KDM2B: variants seen among roughly 807,000 people sequenced by gnomAD.
The protein encoded by KDM2B is lysine demethylase 2B.
KDM2B carries 26 observed loss-of-function variants against 150.0 expected under a neutral mutation model. That is an observed-to-expected ratio of 0.17 (90% confidence interval 0.13 to 0.24). The LOEUF is 0.24. KDM2B is among the 10% of genes least tolerant of loss of function. KDM2B has a pLI of 1.00. For synonymous variants in KDM2B, 734 were observed against 729.5 expected (o/e 1.01, Z -0.10); for missense variants, 1,265 against 1,816.9 (o/e 0.70, Z 5.52).
Position 121,459,857 on chromosome 12 carries a change from T to C in KDM2B, c.1735-6513A>G, listed in dbSNP as rs560056203. Among the ~76,000 whole-genome samples the C allele has an allele frequency of 8.6e-5, 13 of 151,536 alleles. 1 individual carries two copies. In the South Asian group the frequency reaches 2.7e-3, roughly 32 times the overall value. On this transcript the variant is annotated intron_variant, in intron 12 of 22. Transcript: ENST00000377071. ...GAAAAAAAAAAAAAAACTTTGGTGC[T>C]TTAAAGGGCACTATCATGTGCAAAG...
chr12:121,459,597 A>G (rs1460733619), intron 12 of KDM2B, among the ~76,000 whole-genome samples: 1 of 152,184 alleles, frequency 6.6e-6, no homozygotes, highest in East Asian at 1.9e-4. Context: ...TTGGGAGGCC[A>G]AGGCGGGAGG....
intron 21 of KDM2B, chr12:121,440,536 G>C: frequency 2.3e-6 from 1 of 440,834 alleles, no homozygotes; most frequent in Non-Finnish European, 4.1e-6. Context: ...CCCCATGAGC[G>C]AGTCAATAAG....
the KDM2B span, among the ~76,000 whole-genome samples, chr12:121,423,131 T>C: frequency 6.6e-6 from 1 of 152,246 alleles, no homozygotes; most frequent in Non-Finnish European, 1.5e-5. This position sits in a 1 kb window ranked among gnomAD's most constrained non-coding sequence, Gnocchi z 4.3. Context: ...AAAATAGAAA[T>C]ACATAGCTAA....
chr12:121,500,055 C>G (rs548468311), intron 11 of KDM2B, among the ~76,000 whole-genome samples: 6 of 152,154 alleles, frequency 3.9e-5, no homozygotes, highest in East Asian at 1.9e-4. Flanking sequence ...CTGTGTGTGG[C>G]CCCCCTGCGG....
chr12:121,510,822 A>T (rs150374852), intron 10 of KDM2B, among the ~76,000 whole-genome samples: 3 of 136,484 alleles, frequency 2.2e-5, no homozygotes, highest in Non-Finnish European at 4.7e-5. Context: ...AATAATAATA[A>T]TACTAAAATA....
rs1469070928 is a variant in KDM2B at position 121,514,009 on chromosome 12, C to T, written c.1048-607G>A. Among the ~76,000 whole-genome samples the T allele has an allele frequency of 3.4e-4, 52 of 152,184 alleles. 1 individual carries two copies. The highest frequency in any genetic ancestry group is 3.4e-3 in the Admixed American group (52 of 15,276). ...GGTCCATCTCCTGCTCCTCCCCACA[C>T]CCGTCTGGCACTGCCCAGCCTGCAA... On this transcript the variant is annotated intron_variant, in intron 9 of 22. Transcript: ENST00000377071.
chr12:121,459,622 G>T (rs1878811591), intron 12 of KDM2B, among the ~76,000 whole-genome samples: 2 of 152,294 alleles, frequency 1.3e-5, no homozygotes, highest in South Asian at 4.1e-4. Flanking sequence ...CCTGAGGTTG[G>T]GAGTTGGAGA....
At chr12:121,527,206 C>T (rs1279878324) in intron 8 of KDM2B, among the ~76,000 whole-genome samples, 18 of 149,050 alleles carry the variant, frequency 1.2e-4, no homozygotes, top group African/African-American at 2.5e-4. Flanking sequence ...CCCGCCGCCA[C>T]GCCCAGATAA....
At chr12:121,425,318 A>AT (rs1872462307), downstream of KDM2B, among the ~76,000 whole-genome samples, 1 of 152,086 alleles carries the variant, frequency 6.6e-6, no homozygotes, top group Non-Finnish European at 1.5e-5. Flanking sequence ...AAAAAAAAAA[A>AT]AAAAAAAGAG....
Position 121,430,393 on chromosome 12 carries a change from G to A in KDM2B, c.3906C>T (p.Tyr1302=), listed in dbSNP as rs1555285250. The A allele has an allele frequency of 1.9e-6, 3 of 1,614,150 alleles. No individual in the cohort carries two copies. Among genetic ancestry groups the A allele is most frequent in the South Asian group, 1.1e-5 (1 of 91,080 alleles). Residue 1302 remains tyrosine, a synonymous_variant, in exon 23 of 23, where the codon TAC becomes TAT. Coordinates refer to ENST00000377071, the MANE Select transcript of KDM2B (RefSeq NM_032590.5). This position sits in a 1 kb window ranked among gnomAD's most constrained non-coding sequence, Gnocchi z 4.4. ...AGCCTTCCTTGGTGACTTGCTTGCA[G>A]TACCTCAGGTCAATATGACAGATGT... ...CGNICHIDLR[Y]CKQVTKEGCE...
chr12:121,450,710 A>G (rs1446278547), intron 13 of KDM2B, among the ~76,000 whole-genome samples: 1 of 152,134 alleles, frequency 6.6e-6, no homozygotes, highest in Non-Finnish European at 1.5e-5. Flanking sequence ...ATGCAAAAAA[A>G]TTAGCCAGGC....
intron 4 of KDM2B, among the ~76,000 whole-genome samples, chr12:121,560,797 G>T (rs75430638): frequency 6.6e-6 from 1 of 152,126 alleles, no homozygotes; most frequent in Non-Finnish European, 1.5e-5. Flanking sequence ...GTTTGGCACC[G>T]GGGAGGAGGC....
At position 121,521,987 on chromosome 12, in the gene KDM2B, C is replaced by T. The variant is rs28387040; in HGVS notation, c.932-887G>A. Among the ~76,000 whole-genome samples the T allele has an allele frequency of 0.045, 6,861 of 152,020 alleles. 406 individuals are homozygous for T. The highest frequency in any genetic ancestry group is 0.22 in the East Asian group (1,159 of 5,178). On this transcript the variant is annotated intron_variant, in intron 8 of 22. Coordinates refer to ENST00000377071, the MANE Select transcript of KDM2B (RefSeq NM_032590.5). This position sits in a 1 kb window ranked among gnomAD's most constrained non-coding sequence, Gnocchi z 4.9. ...AGCAGGGCATGGTGGTGCACACCTG[C>T]GGTCCCAGCTACTCAGGAGGCTGAG...
the KDM2B span, chr12:121,420,553 C>A: frequency 6.2e-7 from 1 of 1,610,746 alleles, no homozygotes; most frequent in Non-Finnish European, 8.5e-7. Context: ...GGGACCAGGG[C>A]TAATGGATGC....
chr12:121,493,390 T>G (rs1236579511), intron 12 of KDM2B, among the ~76,000 whole-genome samples: 2 of 152,106 alleles, frequency 1.3e-5, no homozygotes, highest in Non-Finnish European at 2.9e-5. Flanking sequence ...AAAGTCTTGG[T>G]ATAACCCATC....
At chr12:121,536,132 G>C (rs1888075706) in intron 6 of KDM2B, 1 of 984,392 alleles carries the variant, frequency 1.0e-6, no homozygotes, top group Non-Finnish European at 1.2e-6. Context: ...AGATAATGCG[G>C]GGAGTGGGGC....
intron 6 of KDM2B, among the ~76,000 whole-genome samples, chr12:121,535,472 G>C (rs1218861793): frequency 6.6e-6 from 1 of 152,188 alleles, no homozygotes; most frequent in African/African-American, 2.4e-5. Flanking sequence ...TGATGAAAAT[G>C]TTCTAAAATT....
chr12:121,426,225 G>A (rs561128333), downstream of KDM2B, among the ~76,000 whole-genome samples: 1 of 152,270 alleles, frequency 6.6e-6, no homozygotes, highest in South Asian at 2.1e-4. Flanking sequence ...TGTGTATTAA[G>A]TTTTAGTGGC....
chr12:121,527,527 G>T (rs1423673571), intron 8 of KDM2B, among the ~76,000 whole-genome samples: 1 of 150,226 alleles, frequency 6.7e-6, no homozygotes, highest in South Asian at 2.1e-4. Context: ...GGTGGCAGGC[G>T]CCTGTAGTCC....
Sources: allele counts gnomAD v4.1 joint callset (sites outside exome capture counted in the v4.1 genomes callset), GRCh38; gene constraint gnomAD v4.1.1; non-coding constraint Gnocchi (gnomAD v3.1); transcripts MANE v1.5; gene names NCBI Gene and HGNC (gene_info 2026-07-23, HGNC 2026-07-21).